Variants in DAB2IP observed in about 807,000 individuals in gnomAD.
The protein encoded by DAB2IP is DAB2 interacting protein, also known as disabled homolog 2-interacting protein.
A neutral mutation model predicts 107.2 loss-of-function variants in DAB2IP; 28 were observed. The observed-to-expected ratio is 0.26, with a 90% CI of 0.19 to 0.36. The LOEUF is 0.36. Ranked by LOEUF, DAB2IP falls within the 10% of genes least tolerant of loss-of-function variation. The pLI is 1.00. For synonymous variants in DAB2IP, 755 were observed against 706.4 expected (o/e 1.07, Z -1.09); for missense variants, 1,400 against 1,644.7 (o/e 0.85, Z 2.57).
chr9:121,753,661 C>T (rs1424895760), intron 3 of DAB2IP, among the ~76,000 whole-genome samples: 1 of 152,224 alleles, frequency 6.6e-6, no homozygotes, highest in African/African-American at 2.4e-5. Flanking sequence ...GATGAATACT[C>T]CTGGCAGGGC....
chr9:121,732,987 T>C (rs1443357913), intron 3 of DAB2IP, among the ~76,000 whole-genome samples: 1 of 152,218 alleles, frequency 6.6e-6, no homozygotes, highest in African/African-American at 2.4e-5. Flanking sequence ...TAACAGCTGG[T>C]GCACTGAAAC....
chr9:121,680,456 A>G (rs942756319), intron 2 of DAB2IP, among the ~76,000 whole-genome samples: 2 of 152,250 alleles, frequency 1.3e-5, no homozygotes, highest in Middle Eastern at 3.4e-3. Context: ...GAGACGATTC[A>G]GGGTCATGGC....
At chr9:121,594,275 C>T (rs911387037) in intron 1 of DAB2IP, among the ~76,000 whole-genome samples, 2 of 142,668 alleles carry the variant, frequency 1.4e-5, no homozygotes, top group South Asian at 2.2e-4. Context: ...CTTGCTCTGT[C>T]GCCGAGGCTG....
At chr9:121,647,021 G>C (rs887148091), upstream of DAB2IP, among the ~76,000 whole-genome samples, 2 of 152,098 alleles carry the variant, frequency 1.3e-5, no homozygotes, top group Non-Finnish European at 2.9e-5. Context: ...ACAGGATCTG[G>C]GACAGTGCAT....
exon 16 of DAB2IP, chr9:121,783,552 A>C (rs1418688355): frequency 2.5e-6 from 4 of 1,614,002 alleles, no homozygotes; most frequent in Non-Finnish European, 1.7e-6. Flanking sequence ...TTAGAAACAA[A>C]AGCCCGCTTG....
At chr9:121,712,228 G>C (rs1383331990) in intron 3 of DAB2IP, among the ~76,000 whole-genome samples, 1 of 151,820 alleles carries the variant, frequency 6.6e-6, no homozygotes, top group African/African-American at 2.4e-5. Flanking sequence ...GTGAGGGGTA[G>C]TGTGTGCTTT....
At chr9:121,774,318 T>C (rs1454421757) in exon 13 of DAB2IP, 2 of 1,613,496 alleles carry the variant, frequency 1.2e-6, no homozygotes, top group Admixed American at 1.7e-5. Flanking sequence ...CTCTTGACCA[T>C]GAACGCGCAG....
chr9:121,775,040 T>C (rs1218610662), intron 13 of DAB2IP, among the ~76,000 whole-genome samples: 1 of 152,220 alleles, frequency 6.6e-6, no homozygotes, highest in Non-Finnish European at 1.5e-5. Flanking sequence ...CCACACACTC[T>C]GCCATCTGCT....
At chr9:121,572,673 C>A (rs926403180) in intron 1 of DAB2IP, among the ~76,000 whole-genome samples, 9 of 152,118 alleles carry the variant, frequency 5.9e-5, no homozygotes, top group African/African-American at 1.9e-4. Flanking sequence ...AATGGGCAGA[C>A]TCAGCCCTGC....
Position 121,633,171 on chromosome 9 carries a change from T to A in DAB2IP, c.41-45507T>A, listed in dbSNP as rs1475216297. Reference sequence around the variant, plus strand: ...CACTATTAAACTCCTGAAAAATTCATGAGCACGCTGGGAATAGAGACCTCA... The same window carrying A: ...CACTATTAAACTCCTGAAAAATTCAAGAGCACGCTGGGAATAGAGACCTCA... On this transcript the variant is annotated intron_variant, in intron 1 of 16. Transcript: ENST00000259371. This position sits in a 1 kb window ranked among gnomAD's most constrained non-coding sequence, Gnocchi z 5.1. Among the ~76,000 whole-genome samples, 1 of 152,334 alleles carries A rather than the reference T, an allele frequency of 6.6e-6. No individual in the cohort carries two copies. The highest frequency in any genetic ancestry group is 1.9e-4 in the East Asian group (1 of 5,184).
chr9:121,773,075 A>G, exon 12 of DAB2IP: 1 of 1,612,526 alleles, frequency 6.2e-7, no homozygotes, highest in Non-Finnish European at 8.5e-7. Context: ...TTGGCGACTC[A>G]GGCTCTGAGG....
At chr9:121,601,378 C>T (rs944440911) in intron 1 of DAB2IP, among the ~76,000 whole-genome samples, 6 of 152,156 alleles carry the variant, frequency 3.9e-5, no homozygotes, top group South Asian at 4.1e-4. Context: ...CCTCTAGTGA[C>T]GGTGAGTTCA....
chr9:121,597,164 A>G (rs953419462), intron 1 of DAB2IP, among the ~76,000 whole-genome samples: 4 of 152,182 alleles, frequency 2.6e-5, no homozygotes, highest in African/African-American at 9.7e-5. Flanking sequence ...TTGAATTTTA[A>G]TTAAATGTAT....
At chr9:121,751,108 TCC>T (rs1209060322) in intron 3 of DAB2IP, 41 of 211,232 alleles carry the variant, frequency 1.9e-4, no homozygotes, top group African/African-American at 1.0e-3. Flanking sequence ...TGTGGACCTT[TCC>T]CCCTGCCCGG....
At chr9:121,595,664 A>C (rs1830516030) in intron 1 of DAB2IP, among the ~76,000 whole-genome samples, 2 of 152,076 alleles carry the variant, frequency 1.3e-5, no homozygotes, top group South Asian at 4.1e-4. Context: ...AAGATGTGTG[A>C]ATGTGTGAAG....
intron 1 of DAB2IP, among the ~76,000 whole-genome samples, chr9:121,576,884 G>A (rs1830070952): frequency 6.6e-6 from 1 of 152,128 alleles, no homozygotes; most frequent in Non-Finnish European, 1.5e-5. Context: ...AAGGGAGGGA[G>A]GGGAGCTGCT....
At chr9:121,676,651 ACT>A (rs1156921299) in intron 1 of DAB2IP, among the ~76,000 whole-genome samples, 1 of 149,794 alleles carries the variant, frequency 6.7e-6, no homozygotes, top group Admixed American at 6.6e-5. Context: ...ACACACACAC[ACT>A]CACACACACA....
At chr9:121,590,220 T>G (rs1431427315) in intron 1 of DAB2IP, among the ~76,000 whole-genome samples, 1 of 150,560 alleles carries the variant, frequency 6.6e-6, no homozygotes, top group Non-Finnish European at 1.5e-5. Context: ...CCACTACTTA[T>G]GCTCCGTGAC....
At position 121,782,199 on chromosome 9, in the gene DAB2IP, A is replaced by T; in HGVS notation, c.3403-132A>T. On this transcript the variant is annotated intron_variant, in intron 15 of 15. Transcript: ENST00000408936. This position sits in a 1 kb window ranked among gnomAD's most constrained non-coding sequence, Gnocchi z 6.1. ...AGGCCTCTGCCTACCTTCTCTTGCC[A>T]GCTGCTCACAGCCCGGAGCCTGCCT... 7.0e-7 allele frequency: 1 copy of T among 1,424,436 alleles called. No individual in the cohort carries two copies. Among genetic ancestry groups the T allele is most frequent in the Non-Finnish European group, 9.3e-7 (1 of 1,071,072 alleles). 88.2% of individuals were successfully genotyped at this position (1,424,436 alleles called of 1,614,324 possible).
Sources: gnomAD v4.1 joint callset for allele counts (sites outside exome capture counted in the v4.1 genomes callset) on GRCh38, gnomAD v4.1.1 for gene constraint, Gnocchi (gnomAD v3.1) non-coding constraint, MANE v1.5 for transcripts, NCBI Gene and HGNC (gene_info 2026-07-23, HGNC 2026-07-21) for gene names.